The following TEDC2 variants were observed in gnomAD, a reference collection of about 807,000 sequenced individuals.
TEDC2 encodes the protein tubulin epsilon and delta complex 2, also known as tubulin epsilon and delta complex protein 2.
Under a neutral mutation model 48.1 loss-of-function variants are expected in TEDC2, and 49 were observed. That is an observed-to-expected ratio of 1.02 (90% CI 0.81 to 1.29). TEDC2 has a LOEUF of 1.29. TEDC2 is among the 50% of genes most tolerant of loss of function. TEDC2 has a pLI of 0.00. For synonymous variants in TEDC2, 299 were observed against 247.1 expected, an observed-to-expected ratio of 1.21 and a Z score of -1.97; for missense variants, 631 against 571.4, an observed-to-expected ratio of 1.10 and a Z score of -1.06.
intron 4 of TEDC2, 81 bp from the exon 5 acceptor site, chr16:2,461,666 T>C (rs1358975316): frequency 5.2e-6 from 8 of 1,552,942 alleles, no homozygotes; most frequent in Non-Finnish European, 6.2e-6. Context: ...GCCTCATCCC[T>C]GATTGGGCTC....
Position 2,460,801 on chromosome 16 carries a change from T to G in TEDC2, c.197-15T>G. ...CAGTGGGGAGAGATCCCTGCATAAT[T>G]CTTGGCTTTCACAGCATGCACACCC... On this transcript the variant is annotated splice_polypyrimidine_tract_variant and intron_variant, in intron 3 of 9. Transcript: ENST00000361837. The G allele has an allele frequency of 6.2e-7, 1 of 1,610,552 alleles. No individual in the cohort carries two copies. Among genetic ancestry groups the G allele is most frequent in the Non-Finnish European group, 8.5e-7 (1 of 1,178,264 alleles).
intron 8 of TEDC2, among the ~76,000 whole-genome samples, chr16:2,463,145 C>T (rs931831963): frequency 1.3e-5 from 2 of 148,338 alleles, no homozygotes; most frequent in East Asian, 4.1e-4. Context: ...CACGGTGAAA[C>T]CCTGTCTCTA....
intron 4 of TEDC2, 173 bp from the exon 5 acceptor site, chr16:2,461,574 A>T: frequency 1.3e-6 from 1 of 749,228 alleles, no homozygotes; most frequent in Middle Eastern, 2.7e-4. Flanking sequence ...GCACTGGACG[A>T]TGCTTCTCCT....
Position 2,462,538 on chromosome 16 carries a change from C to G in TEDC2, c.862+12C>G, listed in dbSNP as rs558375788. On this transcript the variant is annotated intron_variant, in intron 7 of 9. Coordinates refer to ENST00000361837, the MANE Select transcript of TEDC2 (RefSeq NM_025108.3). The stretch of plus-strand genomic sequence containing the variant: ...GGAGCTCTCGGCAGGTCAGTGGGTC[C>G]TGGGTCTGTATCAGGAGGAGTGTGG... 40 of 1,589,030 alleles carry G rather than the reference C, an allele frequency of 2.5e-5. No homozygotes were observed. In the South Asian group the frequency reaches 3.5e-4, roughly 14 times the overall value.
Position 2,464,583 on chromosome 16 carries a change from T to C in TEDC2, c.1217T>C (p.Leu406Pro), listed in dbSNP as rs1320627972. The C allele has an allele frequency of 1.2e-6, 2 of 1,609,418 alleles. No individual in the cohort carries two copies. The highest frequency in any genetic ancestry group is 1.7e-6 in the Non-Finnish European group (2 of 1,179,706). Residue 406 changes from leucine to proline, a missense_variant, in exon 10 of 10, where the codon CTG becomes CCG. Transcript: ENST00000361837. ...SAAQPQGPPW[L>P]ALCRAVHSLL... is the part of the protein sequence containing the mutation. ...GCACAGCCGCAGGGGCCGCCCTGGC[T>C]GGCCCTGTGCCGGGCTGTGCACAGC...
Position 2,464,166 on chromosome 16 carries a change from G to A in TEDC2, c.1092G>A (p.Leu364=), listed in dbSNP as rs1338614656. ...TTGTCTACTCCAGCACCCAGGAGCT[G>A]CAGACCCTGGCGGCCCTCAAGCTGC... The part of the protein sequence containing the change: ...QLLVYSSTQE[L]QTLAALKLRV... Residue 364 remains leucine, a synonymous_variant, in exon 9 of 10, where the codon CTG becomes CTA. Transcript: ENST00000361837. 1 of 1,612,596 alleles carries A rather than the reference G, an allele frequency of 6.2e-7. No individual in the cohort carries two copies. The highest frequency in any genetic ancestry group is 8.5e-7 in the Non-Finnish European group (1 of 1,179,852).
rs1174389120 is a variant in TEDC2, at chr16:2,464,784, C to T, written c.*116C>T. ...TCCCTGGGAAACCTGGTGAACTGGA[C>T]CAGGTGGCCTCACTGGCTCTTCTCA... On this transcript the variant is annotated 3_prime_UTR_variant, in exon 10 of 10. Transcript: ENST00000361837. The T allele has an allele frequency of 2.1e-6, 3 of 1,413,290 alleles. No homozygotes were observed. In the East Asian group the frequency reaches 7.4e-5, roughly 35 times the overall value. The allele number at this position is 1,413,290 out of a possible 1,614,324, so 87.5% of individuals were successfully genotyped here.
chr16:2,463,778 G>C (rs964249822), intron 8 of TEDC2, among the ~76,000 whole-genome samples: 36 of 152,254 alleles, frequency 2.4e-4, no homozygotes, highest in African/African-American at 7.7e-4. Context: ...TACATCATTT[G>C]TCAAAAGGAA....
At chr16:2,461,530 G>A (rs1340602188) in intron 4 of TEDC2, 29 of 641,578 alleles carry the variant, frequency 4.5e-5, no homozygotes, top group South Asian at 1.6e-4. Flanking sequence ...ACAGGGCCCC[G>A]CTCACAGGGC....
chr16:2,462,013 C>A, intron 5 of TEDC2, 136 bp from the exon 6 acceptor site: 1 of 1,110,048 alleles, frequency 9.0e-7, no homozygotes, highest in Non-Finnish European at 1.3e-6. Context: ...GAGGCCCCTC[C>A]TGGCATTCAG....
In TEDC2 at chr16:2,461,004, G is replaced by T; in HGVS notation, c.385G>T (p.Ala129Ser). ...CGCCCCACCGCATTCCCCAGGCCAA[G>T]CTGGTGGCCATGCTTCAGACACGAG... ...ASAPPHSPGQ[A>S]GGHASDTRPT... Residue 129 changes from alanine to serine, a missense_variant, in exon 4 of 10, where the codon GCT becomes TCT. Physicochemically the swap from Ala to Ser is moderately conservative, Grantham distance 99. Transcript: ENST00000361837. 1 of 1,613,074 alleles carries T rather than the reference G, an allele frequency of 6.2e-7. No homozygotes were observed. The highest frequency in any genetic ancestry group is 8.5e-7 in the Non-Finnish European group (1 of 1,179,886).
Position 2,464,713 on chromosome 16 carries a change from G to A in TEDC2, c.*45G>A. On this transcript the variant is annotated 3_prime_UTR_variant, in exon 10 of 10. Coordinates refer to ENST00000361837, the MANE Select transcript of TEDC2 (RefSeq NM_025108.3). ...CGGCCTGTTCAGATGGGGATTGGGGGTGTCTTCCCTGGCACTGTGCTCGGG... is the reference window on the plus strand; with the variant it reads ...CGGCCTGTTCAGATGGGGATTGGGGATGTCTTCCCTGGCACTGTGCTCGGG... The A allele has an allele frequency of 2.5e-6, 4 of 1,609,628 alleles. No individual in the cohort carries two copies. Among genetic ancestry groups the A allele is most frequent in the South Asian group, 2.2e-5 (2 of 90,674 alleles).
chr16:2,464,455 C>G, intron 9 of TEDC2, 67 bp from the exon 10 acceptor site: 1 of 1,469,740 alleles, frequency 6.8e-7, no homozygotes. Flanking sequence ...GGCCTCGAAG[C>G]CTGTCCCAGG....
At chr16:2,462,267 T>C in intron 6 of TEDC2, 28 bp downstream of exon 6, 1 of 1,610,832 alleles carries the variant, frequency 6.2e-7, no homozygotes, top group Non-Finnish European at 8.5e-7. Context: ...GTGGGAGCCC[T>C]GGGGGCCTCT....
chr16:2,462,049 C>A, intron 5 of TEDC2, 100 bp from the exon 6 acceptor site: 2 of 1,356,792 alleles, frequency 1.5e-6, no homozygotes, highest in Non-Finnish European at 2.1e-6. Flanking sequence ...AGCCTGGGGT[C>A]CCCACCCTGG....
At chr16:2,462,581 G>T in intron 7 of TEDC2, 50 bp from the exon 8 acceptor site, 1 of 1,552,084 alleles carries the variant, frequency 6.4e-7, no homozygotes, top group Non-Finnish European at 8.7e-7. Context: ...GTGCAGGGAG[G>T]GTTTCCAGAC....
chr16:2,463,088 A>G (rs553033257), intron 8 of TEDC2, among the ~76,000 whole-genome samples: 46 of 152,186 alleles, frequency 3.0e-4, no homozygotes, highest in Middle Eastern at 3.4e-3. Flanking sequence ...TTGGGAGGCC[A>G]AGGCGGGTGG....
In TEDC2 at chr16:2,461,753, G is replaced by A. The variant is rs2065468159; in HGVS notation, c.612G>A (p.Leu204=). ...EAFTLKEKGH[L]LRLPAAFRKA... ...ACACGGGCTTCTCCGACAGGCACCT[G>A]CTGCGGCTGCCTGCGGCATTCAGGA... is the stretch of plus-strand genomic sequence containing the variant. Residue 204 remains leucine, a synonymous_variant, in exon 5 of 10, where the codon CTG becomes CTA. Transcript: ENST00000361837. The A allele has an allele frequency of 4.3e-6, 7 of 1,613,268 alleles. No individual in the cohort carries two copies. The highest frequency in any genetic ancestry group is 5.1e-6 in the Non-Finnish European group (6 of 1,180,002).
At chr16:2,460,519 AGGCTCTGAGCTGGGGGCCTGCCGCGG>A (rs1448753462) in intron 2 of TEDC2, 78 bp from the exon 3 acceptor site, 5 of 1,533,130 alleles carry the variant, frequency 3.3e-6, no homozygotes, top group Non-Finnish European at 4.4e-6. Context: ...CTTACCCTGC[AGGCTCTGAGCTGGGGGCCTGCCGCGG>A]GGCCCGGCGG....
Sources: allele counts gnomAD v4.1 joint callset (sites outside exome capture counted in the v4.1 genomes callset), GRCh38; gene constraint gnomAD v4.1.1; transcripts MANE v1.5; gene names NCBI Gene and HGNC (gene_info 2026-07-23, HGNC 2026-07-21).